The following RANBP2 variants were observed in gnomAD, a reference collection of about 807,000 sequenced individuals.
The protein encoded by RANBP2 is RAN binding protein 2.
A neutral mutation model predicts 303.6 loss-of-function variants in RANBP2; 57 were observed. That is an observed-to-expected ratio of 0.19 (90% CI 0.15 to 0.23). The LOEUF is 0.23. Among genes scored for constraint, RANBP2 ranks in the 10% least tolerant of loss-of-function variants. The pLI, the probability that RANBP2 is intolerant of heterozygous loss-of-function variation, is 1.00. For synonymous variants in RANBP2, 1,167 were observed against 1,301.5 expected, an observed-to-expected ratio of 0.90 and a Z score of 2.23; for missense variants, 3,138 against 3,780.8, an observed-to-expected ratio of 0.83 and a Z score of 4.46.
the RANBP2 span, chr2:109,733,051 G>A: frequency 3.6e-6 from 2 of 563,258 alleles, no homozygotes; most frequent in African/African-American, 3.8e-5. Context: ...CTCCAAGAAG[G>A]AGAAACTTGT....
chr2:109,770,052 C>T, the RANBP2 span, among the ~76,000 whole-genome samples: 20 of 107,304 alleles, frequency 1.9e-4, 7 homozygotes, highest in Admixed American at 8.4e-4. Flanking sequence ...TCAGACAACC[C>T]GCCCCCCACC....
the RANBP2 span, among the ~76,000 whole-genome samples, chr2:109,551,547 A>G: frequency 6.6e-6 from 1 of 152,242 alleles, no homozygotes; most frequent in Admixed American, 6.5e-5. Flanking sequence ...GGAAATCTGA[A>G]TAAGGACTGA....
the RANBP2 span, among the ~76,000 whole-genome samples, chr2:109,163,390 CTTTTTT>C: frequency 4.7e-4 from 33 of 70,264 alleles, no homozygotes; most frequent in Admixed American, 9.1e-4. Context: ...AGCAAATATT[CTTTTTT>C]TTTTTTTTTT....
In RANBP2 at chr2:108,757,649, G is replaced by A. The variant is rs188131562; in HGVS notation, c.2467-764G>A. On this transcript the variant is annotated intron_variant, in intron 17 of 28. Coordinates refer to ENST00000283195, the MANE Select transcript of RANBP2 (RefSeq NM_006267.5). ...AAAAGCTAATTTGGGGAGGTAACGCGGAATGTCAGGTAGTCCAGATTGCAG... is the reference window on the plus strand; with the variant it reads ...AAAAGCTAATTTGGGGAGGTAACGCAGAATGTCAGGTAGTCCAGATTGCAG... 2.9e-3 allele frequency among the ~76,000 whole-genome samples: 449 copies of A among 152,254 alleles called. 4 individuals carry two copies. In the Middle Eastern group the frequency reaches 0.054, roughly 18 times the overall value.
the RANBP2 span, among the ~76,000 whole-genome samples, chr2:109,397,808 G>A: frequency 3.9e-5 from 6 of 152,180 alleles, no homozygotes; most frequent in African/African-American, 1.2e-4. Context: ...TTTATTCCCC[G>A]GTTGCTCATG....
Position 108,755,332 on chromosome 2 carries a change from T to A in RANBP2, c.2466+73T>A. On this transcript the variant is annotated intron_variant, in intron 17 of 28. Coordinates refer to ENST00000283195, the MANE Select transcript of RANBP2 (RefSeq NM_006267.5). ...TCCCTGGCCACTCTCTCACTTTTTT[T>A]CTGAAGCTGGTCAGAATGTCCCCTT... 2.5e-6 allele frequency: 4 copies of A among 1,606,830 alleles called. No homozygotes were observed. In the South Asian group the frequency reaches 4.4e-5, roughly 18 times the overall value.
chr2:109,149,872 C>T, the RANBP2 span, among the ~76,000 whole-genome samples: 7 of 152,280 alleles, frequency 4.6e-5, no homozygotes, highest in East Asian at 5.8e-4. Flanking sequence ...TTTTTCTGCT[C>T]GTGGATATTT....
the RANBP2 span, among the ~76,000 whole-genome samples, chr2:108,855,645 A>G: frequency 0.71 from 107,376 of 152,096 alleles, 41,334 homozygotes; most frequent in East Asian, 0.9. Flanking sequence ...AATTCTACCA[A>G]TGGTAAAAAT....
At chr2:108,850,397 T>A in the RANBP2 span, among the ~76,000 whole-genome samples, 5 of 152,176 alleles carry the variant, frequency 3.3e-5, no homozygotes, top group African/African-American at 1.2e-4. Context: ...TTATATTGAA[T>A]AGACTGTTCA....
chr2:109,613,398 C>A, the RANBP2 span: 1 of 327,814 alleles, frequency 3.1e-6, no homozygotes, highest in South Asian at 2.5e-5. Flanking sequence ...CTCCCGGCGG[C>A]AGGGAGGCTC....
the RANBP2 span, among the ~76,000 whole-genome samples, chr2:108,798,852 C>CAT: frequency 3.3e-5 from 5 of 150,120 alleles, no homozygotes; most frequent in African/African-American, 1.2e-4. Flanking sequence ...CACACACACA[C>CAT]ATTTTTTCTG....
the RANBP2 span, among the ~76,000 whole-genome samples, chr2:109,177,411 TG>T: frequency 1.3e-5 from 2 of 152,224 alleles, no homozygotes; most frequent in Non-Finnish European, 2.9e-5. Context: ...TGAAATAGTC[TG>T]GGGCAGAGAT....
chr2:108,746,637 T>C, intron 7 of RANBP2, 74 bp from the exon 8 acceptor site: 1 of 1,048,584 alleles, frequency 9.5e-7, no homozygotes, highest in Non-Finnish European at 1.4e-6. Context: ...AAGTACAGTG[T>C]AATAGATAAG....
At chr2:108,864,208 C>G in the RANBP2 span, among the ~76,000 whole-genome samples, 1 of 151,548 alleles carries the variant, frequency 6.6e-6, no homozygotes, top group Non-Finnish European at 1.5e-5. Flanking sequence ...TAAAATCTAA[C>G]CCACCAATTA....
At chr2:109,144,673 C>A in the RANBP2 span, among the ~76,000 whole-genome samples, 17 of 152,344 alleles carry the variant, frequency 1.1e-4, no homozygotes, top group Admixed American at 3.9e-4. Flanking sequence ...TTCCCCGAGT[C>A]CTTATGCCAC....
the RANBP2 span, chr2:108,923,387 T>A: frequency 1.2e-5 from 19 of 1,613,914 alleles, no homozygotes; most frequent in Non-Finnish European, 1.5e-5. Flanking sequence ...TGTTGGGGGG[T>A]GCCAGGAGGC....
chr2:109,193,043 A>G, the RANBP2 span, among the ~76,000 whole-genome samples: 13 of 152,242 alleles, frequency 8.5e-5, no homozygotes, highest in African/African-American at 1.2e-4. Flanking sequence ...ACAGATGTCA[A>G]TGTGCCAAGA....
At chr2:109,427,659 G>A in the RANBP2 span, among the ~76,000 whole-genome samples, 1 of 152,364 alleles carries the variant, frequency 6.6e-6, no homozygotes, top group South Asian at 2.1e-4. Flanking sequence ...CAGCTCCTAA[G>A]CTGGCCTCAC....
intron 21 of RANBP2, 26 bp from the exon 22 acceptor site, chr2:108,772,463 A>G (rs1263837563): frequency 2.5e-6 from 4 of 1,591,550 alleles, no homozygotes; most frequent in East Asian, 2.2e-5. Flanking sequence ...TTAACTAGAA[A>G]TTCTTTTAAT....
Sources: allele counts gnomAD v4.1 joint callset (sites outside exome capture counted in the v4.1 genomes callset), GRCh38; gene constraint gnomAD v4.1.1; transcripts MANE v1.5; gene names NCBI Gene and HGNC (gene_info 2026-07-23, HGNC 2026-07-21).